Variants in TCF4 observed in about 807,000 individuals in gnomAD.
The protein encoded by TCF4 is SL3-3 enhancer factor 2.
Under a neutral mutation model 82.1 loss-of-function variants are expected in TCF4, and 3 were observed. The ratio of observed to expected loss-of-function variants is 0.04; its 90% CI spans 0.02 to 0.09. TCF4 has a LOEUF of 0.09. Ranked by LOEUF, TCF4 falls within the 10% of genes least tolerant of loss-of-function variation. TCF4 has a pLI of 1.00. For synonymous variants in TCF4, 276 were observed against 309.6 expected, an observed-to-expected ratio of 0.89 and a Z score of 1.14; for missense variants, 518 against 852.7, an observed-to-expected ratio of 0.61 and a Z score of 4.89.
chr18:55,410,801 AAG>A (rs1376430501), intron 5 of TCF4, among the ~76,000 whole-genome samples: 2 of 152,174 alleles, frequency 1.3e-5, no homozygotes. Flanking sequence ...CATAAAGTCA[AAG>A]AGTTCTCAAG....
In TCF4 at chr18:55,247,748, G is replaced by A. The variant is rs78328098; in HGVS notation, c.1350+6749C>T. On this transcript the variant is annotated intron_variant, in intron 15 of 19. Coordinates refer to ENST00000354452, the MANE Select transcript of TCF4 (RefSeq NM_001083962.2). ...AAACTTTTTTTCAGGTTAAATATTT[G>A]AAGATAGTGATGTTTCGTCTAGAGG... Among the ~76,000 whole-genome samples the A allele has an allele frequency of 3.7e-3, 566 of 152,282 alleles. 3 individuals carry two copies. The highest frequency in any genetic ancestry group is 0.013 in the African/African-American group (545 of 41,552).
intron 6 of TCF4, among the ~76,000 whole-genome samples, chr18:55,353,276 CTTA>C (rs987426219): frequency 2.6e-5 from 4 of 152,116 alleles, no homozygotes; most frequent in African/African-American, 9.7e-5. Flanking sequence ...TGTGGTTGAC[CTTA>C]TTGTTGTTAA....
intron 3 of TCF4, among the ~76,000 whole-genome samples, chr18:55,538,299 A>G (rs553201686): frequency 6.6e-6 from 1 of 152,266 alleles, no homozygotes; most frequent in African/African-American, 2.4e-5. Flanking sequence ...TACCCCCTAA[A>G]AGACAAACTA....
intron 5 of TCF4, among the ~76,000 whole-genome samples, chr18:55,426,387 G>A (rs559274462): frequency 3.9e-4 from 59 of 152,220 alleles, no homozygotes; most frequent in Middle Eastern, 6.8e-3. Flanking sequence ...GGGGAAGACA[G>A]GTGAAGAGAG....
In TCF4 at chr18:55,482,626, C is replaced by A. The variant is rs185603015; in HGVS notation, c.146-18489G>T. The A allele has an allele frequency of 2.0e-5, 3 of 152,310 alleles. No homozygotes were observed. The East Asian group carries it at 5.8e-4, about 29-fold the overall frequency. The allele number at this position is 152,310 out of a possible 1,614,324, so 9.4% of individuals were successfully genotyped here. A position where few individuals can be genotyped will look rare whatever the true frequency, so the allele number is the denominator to read the frequency against. ...AACTCCCTCCTTCAGATACTTCAGT[C>A]TTCCTATTGATGTCAGGATTAGAGC... On this transcript the variant is annotated intron_variant, in intron 3 of 19. Transcript: ENST00000354452.
chr18:55,551,624 C>G (rs1050781276), intron 3 of TCF4: 6 of 152,538 alleles, frequency 3.9e-5, no homozygotes, highest in Non-Finnish European at 7.3e-5. Flanking sequence ...CCTTCCGACT[C>G]TCCATGGCTC....
At chr18:55,229,118 G>C in intron 17 of TCF4, 42 bp from the exon 18 acceptor site, 1 of 1,598,998 alleles carries the variant, frequency 6.3e-7, no homozygotes, top group East Asian at 2.2e-5. Context: ...ATGGTGTGGG[G>C]AAAAAGAAGG....
At chr18:55,545,203 T>C (rs903346056) in intron 3 of TCF4, among the ~76,000 whole-genome samples, 6 of 152,214 alleles carry the variant, frequency 3.9e-5, no homozygotes, top group South Asian at 2.1e-4. Context: ...ACTTACAATA[T>C]GGAATATGCA....
intron 3 of TCF4, chr18:55,546,772 T>C (rs909026336): frequency 5.3e-5 from 8 of 152,252 alleles, no homozygotes; most frequent in Non-Finnish European, 8.8e-5. Flanking sequence ...AATATCACCA[T>C]TATAATTCAT....
At chr18:55,449,664 G>A (rs1039474841) in intron 5 of TCF4, among the ~76,000 whole-genome samples, 1 of 152,156 alleles carries the variant, frequency 6.6e-6, no homozygotes, top group Non-Finnish European at 1.5e-5. Context: ...TAGTAATTTC[G>A]AGACTCAGAA....
chr18:55,316,834 T>A (rs150726222), intron 8 of TCF4, among the ~76,000 whole-genome samples: 1 of 152,220 alleles, frequency 6.6e-6, no homozygotes, highest in East Asian at 1.9e-4. Flanking sequence ...CCTGCAATAA[T>A]GCCATCACCC....
chr18:55,571,664 TA>T (rs1226133829), intron 3 of TCF4, among the ~76,000 whole-genome samples: 1 of 152,024 alleles, frequency 6.6e-6, no homozygotes, highest in Non-Finnish European at 1.5e-5. Context: ...AGAAAACACT[TA>T]ACAAAAGTCT....
chr18:55,631,460 T>C (rs1037445884), intron 1 of TCF4: 11 of 1,469,630 alleles, frequency 7.5e-6, no homozygotes, highest in South Asian at 1.3e-5. Flanking sequence ...ATGGTACTGG[T>C]AGTCTGGGGA....
At chr18:55,283,574 G>C (rs1004604125) in intron 8 of TCF4, among the ~76,000 whole-genome samples, 3 of 152,132 alleles carry the variant, frequency 2.0e-5, no homozygotes, top group African/African-American at 7.2e-5. Flanking sequence ...ATTATTAATA[G>C]TATCTGCCCT....
intron 5 of TCF4, among the ~76,000 whole-genome samples, chr18:55,421,776 G>C (rs2094768034): frequency 6.6e-6 from 1 of 151,882 alleles, no homozygotes; most frequent in Admixed American, 6.6e-5. Flanking sequence ...TAACCTTGAG[G>C]GCCAGATAGA....
chr18:55,452,357 C>G (rs2095641146), intron 5 of TCF4, among the ~76,000 whole-genome samples: 1 of 152,224 alleles, frequency 6.6e-6, no homozygotes, highest in African/African-American at 2.4e-5. Flanking sequence ...GTTTTCTCCC[C>G]TAGGCAGTAG....
intron 6 of TCF4, among the ~76,000 whole-genome samples, chr18:55,373,815 AAATAAT>A (rs369920666): frequency 6.6e-6 from 1 of 151,776 alleles, no homozygotes; most frequent in African/African-American, 2.4e-5. Context: ...TCCATCTCAA[AAATAAT>A]AATAATAATA....
intron 6 of TCF4, among the ~76,000 whole-genome samples, chr18:55,382,655 T>A (rs2092102964): frequency 6.6e-6 from 1 of 151,920 alleles, no homozygotes; most frequent in African/African-American, 2.4e-5. Context: ...CTTGTTTTAA[T>A]ACTAAAAAAA....
upstream of TCF4, chr18:55,591,015 C>G (rs900340311): frequency 1.3e-5 from 2 of 152,206 alleles, no homozygotes; most frequent in African/African-American, 4.8e-5. Context: ...CAACCATATT[C>G]CTATATACCA....
Sources: allele counts gnomAD v4.1 joint callset (sites outside exome capture counted in the v4.1 genomes callset), GRCh38; gene constraint gnomAD v4.1.1; transcripts MANE v1.5; gene names NCBI Gene and HGNC (gene_info 2026-07-23, HGNC 2026-07-21).